RPTOR: variants seen among roughly 807,000 people sequenced by gnomAD.
The protein encoded by RPTOR is regulatory-associated protein of mTOR.
A neutral mutation model predicts 169.9 loss-of-function variants in RPTOR; 21 were observed. The observed-to-expected ratio is 0.12, with a 90% CI of 0.09 to 0.18. The LOEUF is 0.18. Ranked by LOEUF, RPTOR falls within the 10% of genes least tolerant of loss-of-function variation. The probability of loss-of-function intolerance (pLI) is 1.00; values close to 1 mark genes in which losing one functional copy is unlikely to be tolerated. For synonymous variants in RPTOR, 732 were observed against 753.2 expected (o/e 0.97, Z 0.46); for missense variants, 1,133 against 1,855.9 (o/e 0.61, Z 7.16).
At chr17:80,913,533 G>C (rs117127533) in intron 21 of RPTOR, among the ~76,000 whole-genome samples, 3,268 of 152,202 alleles carry the variant, frequency 0.021, 57 homozygotes, top group Non-Finnish European at 0.033. Context: ...GCTCACTGCA[G>C]CCTCGACCTC....
intron 21 of RPTOR, among the ~76,000 whole-genome samples, chr17:80,918,402 C>G (rs1001736451): frequency 1.1e-4 from 17 of 151,764 alleles, no homozygotes; most frequent in African/African-American, 4.1e-4. Context: ...GGCTGCCCCA[C>G]GAGCACCCTC....
intron 6 of RPTOR, among the ~76,000 whole-genome samples, chr17:80,771,865 G>T (rs2066846967): frequency 6.6e-6 from 1 of 152,218 alleles, no homozygotes. Context: ...GGGCACCCCA[G>T]CTGGTGCGTA....
rs777779433 is a variant in RPTOR, at chr17:80,940,553, C to A, written c.2977C>A (p.Leu993Met). 2 of 1,613,326 alleles carry A rather than the reference C, an allele frequency of 1.2e-6. No homozygotes were observed. The highest frequency in any genetic ancestry group is 1.7e-6 in the Non-Finnish European group (2 of 1,179,764). ...CCGCAAGGAGCGGGAGTGGCGGTTC[C>A]TGCGAAACAGCCGTGTCAGGAGGCA... is the stretch of plus-strand genomic sequence containing the variant. ...QIRKEREWRF[L>M]RNSRVRRQAQ... is the part of the protein sequence containing the mutation. Residue 993 changes from leucine to methionine, a missense_variant, in exon 25 of 34, where the codon CTG becomes ATG. This residue lies in a region of RPTOR where 410 missense variants were observed against 623.7 expected (regional missense o/e 0.66). Transcript: ENST00000306801.
chr17:80,764,508 C>A (rs865964303), intron 6 of RPTOR, among the ~76,000 whole-genome samples: 118 of 151,520 alleles, frequency 7.8e-4, no homozygotes, highest in African/African-American at 2.4e-3. Flanking sequence ...TTTTTATGGC[C>A]GCATAGTATT....
intron 21 of RPTOR, among the ~76,000 whole-genome samples, chr17:80,917,500 C>T (rs778444057): frequency 1.3e-5 from 2 of 152,084 alleles, no homozygotes; most frequent in Admixed American, 6.5e-5. Flanking sequence ...CCAGAGAGCC[C>T]GGTCTGTGTC....
rs57831576 is a variant in RPTOR, at chr17:80,936,043, G to A, written c.2920-4453G>A. 1.2e-3 allele frequency among the ~76,000 whole-genome samples: 180 copies of A among 152,246 alleles called. No homozygotes were observed. The highest frequency in any genetic ancestry group is 3.7e-3 in the African/African-American group (153 of 41,526). On this transcript the variant is annotated intron_variant, in intron 24 of 33. Coordinates refer to ENST00000306801, the MANE Select transcript of RPTOR (RefSeq NM_020761.3). This position sits in a 1 kb window ranked among gnomAD's most constrained non-coding sequence, Gnocchi z 4.1. ...AGCAGCCCAATTAAAAAACAGTGGCGAAAGATTTTACAGACACCCCACCAA... is the reference window on the plus strand; with the variant it reads ...AGCAGCCCAATTAAAAAACAGTGGCAAAAGATTTTACAGACACCCCACCAA...
chr17:80,917,819 G>A (rs2068691998), intron 21 of RPTOR, among the ~76,000 whole-genome samples: 1 of 152,116 alleles, frequency 6.6e-6, no homozygotes, highest in African/African-American at 2.4e-5. Context: ...GCCCCTCCGG[G>A]AATCGTGAGC....
At chr17:80,757,901 A>G (rs1192584677) in intron 6 of RPTOR, among the ~76,000 whole-genome samples, 2 of 151,138 alleles carry the variant, frequency 1.3e-5, no homozygotes, top group Non-Finnish European at 3.0e-5. Flanking sequence ...GTTCTTTTTA[A>G]CTCTCTGTAC....
rs1327584781 is a variant in RPTOR at position 80,878,110 on chromosome 17, C to T, written c.1510-2305C>T. ...GGCATCCAGTTCTTAAAATTCCGGC[C>T]CTCTGTCCTTGCATGGCCTTCGTCC... On this transcript the variant is annotated intron_variant, in intron 13 of 33. Transcript: ENST00000306801. The surrounding 1 kb of genome is among the most constrained non-coding windows in gnomAD (Gnocchi z 4.1). Among the ~76,000 whole-genome samples the T allele has an allele frequency of 1.3e-5, 2 of 152,210 alleles. No individual in the cohort carries two copies. Among genetic ancestry groups the T allele is most frequent in the Non-Finnish European group, 2.9e-5 (2 of 68,042 alleles).
chr17:80,714,349 C>A (rs1404236108), intron 4 of RPTOR, among the ~76,000 whole-genome samples: 2 of 152,168 alleles, frequency 1.3e-5, no homozygotes, highest in Non-Finnish European at 2.9e-5. Context: ...TTATCAATCA[C>A]CCCGACTTAA....
intron 1 of RPTOR, among the ~76,000 whole-genome samples, chr17:80,583,407 T>C (rs941859919): frequency 1.3e-5 from 2 of 152,092 alleles, no homozygotes; most frequent in Non-Finnish European, 2.9e-5. Context: ...GCCAGGCTGG[T>C]CCCAAACTCC....
Position 80,959,705 on chromosome 17 carries a change from A to G in RPTOR, c.3478-373A>G, listed in dbSNP as rs1401395952. ...TGTGCTTTGCTTTCCTTTTTAGGAA[A>G]CAGAGAGAGGTTGGAAGTTTAATTG... On this transcript the variant is annotated intron_variant, in intron 29 of 33. Transcript: ENST00000306801. This position sits in a 1 kb window ranked among gnomAD's most constrained non-coding sequence, Gnocchi z 6.7. 6.6e-6 allele frequency among the ~76,000 whole-genome samples: 1 copy of G among 152,192 alleles called. No homozygotes were observed.
At chr17:80,635,064 A>C (rs183527697) in intron 2 of RPTOR, among the ~76,000 whole-genome samples, 3 of 152,290 alleles carry the variant, frequency 2.0e-5, no homozygotes, top group Non-Finnish European at 2.9e-5. Context: ...CCATCTTCTG[A>C]CAGTGACAAC....
intron 13 of RPTOR, among the ~76,000 whole-genome samples, chr17:80,870,006 A>C (rs928857937): frequency 6.6e-6 from 1 of 152,142 alleles, no homozygotes; most frequent in African/African-American, 2.4e-5. Flanking sequence ...AAGTTCCTCA[A>C]GCCTGCTGTT....
intron 1 of RPTOR, among the ~76,000 whole-genome samples, chr17:80,575,718 T>C (rs549725583): frequency 2.0e-5 from 3 of 152,382 alleles, no homozygotes; most frequent in South Asian, 4.1e-4. Flanking sequence ...TACGTGTCCA[T>C]TAAGTCAAAT....
chr17:80,898,236 G>A (rs2068431125), intron 20 of RPTOR, among the ~76,000 whole-genome samples: 1 of 152,202 alleles, frequency 6.6e-6, no homozygotes, highest in African/African-American at 2.4e-5. Context: ...CCTTGAGGCT[G>A]TCTGCAGTAT....
chr17:80,606,774 C>T (rs1031110118), intron 1 of RPTOR, among the ~76,000 whole-genome samples: 4 of 150,956 alleles, frequency 2.6e-5, no homozygotes, highest in African/African-American at 9.7e-5. Context: ...CCTACCCTTC[C>T]GTCTGGCCAT....
intron 21 of RPTOR, among the ~76,000 whole-genome samples, chr17:80,917,116 A>T (rs1284860164): frequency 7.5e-4 from 109 of 144,900 alleles, no homozygotes; most frequent in Non-Finnish European, 1.3e-3. Context: ...GATAGGTTTC[A>T]TTTTTTTTTT....
chr17:80,869,254 G>A (rs1000333792), intron 13 of RPTOR, among the ~76,000 whole-genome samples: 1 of 152,076 alleles, frequency 6.6e-6, no homozygotes, highest in Admixed American at 6.6e-5. Context: ...CCGCCTCCCG[G>A]GTTCAAGCGA....
Sources: allele counts gnomAD v4.1 joint callset (sites outside exome capture counted in the v4.1 genomes callset), GRCh38; gene constraint gnomAD v4.1.1; regional missense constraint gnomAD v4.1.1; non-coding constraint Gnocchi (gnomAD v3.1); transcripts MANE v1.5; gene names NCBI Gene and HGNC (gene_info 2026-07-23, HGNC 2026-07-21).